TENM3: variants seen among roughly 807,000 people sequenced by gnomAD.
TENM3 encodes the protein teneurin transmembrane protein 3, also known as teneurin-3.
Under a neutral mutation model 255.1 loss-of-function variants are expected in TENM3, and 63 were observed. The ratio of observed to expected loss-of-function variants is 0.25; its 90% confidence interval spans 0.20 to 0.30. The LOEUF (loss-of-function observed/expected upper bound fraction) is 0.30. Ranked by LOEUF, TENM3 falls within the 10% of genes least tolerant of loss-of-function variation. The pLI is 1.00. For missense variants in TENM3, 2,929 were observed against 3,461.1 expected, an observed-to-expected ratio of 0.85 and a Z score of 3.86; for synonymous variants, 1,306 against 1,322.3, an observed-to-expected ratio of 0.99 and a Z score of 0.27.
chr4:182,320,156 C>T (rs1365646088), intron 1 of TENM3, among the ~76,000 whole-genome samples: 2 of 152,042 alleles, frequency 1.3e-5, no homozygotes, highest in Non-Finnish European at 2.9e-5. Context: ...GATGGTTTAA[C>T]TCAGAGGTTT....
At chr4:181,664,055 C>T in the TENM3 span, among the ~76,000 whole-genome samples, 1 of 152,142 alleles carries the variant, frequency 6.6e-6, no homozygotes, top group African/African-American at 2.4e-5. Context: ...AGAGACTGGC[C>T]TCTGGAGCTC....
chr4:182,032,662 G>A, the TENM3 span, among the ~76,000 whole-genome samples: 2 of 152,166 alleles, frequency 1.3e-5, no homozygotes, highest in South Asian at 2.1e-4. Context: ...GTAGAATTCA[G>A]TTGTAAATCT....
intron 1 of TENM3, among the ~76,000 whole-genome samples, chr4:182,271,481 A>C (rs1030296505): frequency 6.6e-6 from 1 of 152,154 alleles, no homozygotes; most frequent in Non-Finnish European, 1.5e-5. Context: ...AGGTGGGTCC[A>C]GTTGTGCATT....
At chr4:181,701,251 C>T in the TENM3 span, among the ~76,000 whole-genome samples, 1 of 152,202 alleles carries the variant, frequency 6.6e-6, no homozygotes, top group Admixed American at 6.5e-5. Flanking sequence ...ATTAATCACA[C>T]CACTTTCCTT....
the TENM3 span, among the ~76,000 whole-genome samples, chr4:182,059,493 A>G: frequency 6.6e-6 from 1 of 152,096 alleles, no homozygotes; most frequent in Non-Finnish European, 1.5e-5. Flanking sequence ...AAAAAAAGGA[A>G]CAAATGTTTT....
Position 182,800,574 on chromosome 4 carries a change from GTCGGAC to G in TENM3, c.*225_*230del. On this transcript the variant is annotated 3_prime_UTR_variant, in exon 28 of 28. Transcript: ENST00000511685. ...TTACATATGCATAGCGCTGCACTCAGTCGGACTGAACGTAGCCAGAGGAAAAAAAAA... is the reference window on the plus strand; with the variant it reads ...TTACATATGCATAGCGCTGCACTCAGTGAACGTAGCCAGAGGAAAAAAAAA... 1 of 492,164 alleles carries G rather than the reference GTCGGAC, an allele frequency of 2.0e-6. No individual in the cohort carries two copies. The highest frequency in any genetic ancestry group is 3.5e-6 in the Non-Finnish European group (1 of 286,156). The allele number at this position is 492,164 out of a possible 1,614,324, so 30.5% of individuals were successfully genotyped here.
the TENM3 span, among the ~76,000 whole-genome samples, chr4:181,885,423 C>G: frequency 6.6e-6 from 1 of 152,088 alleles, no homozygotes; most frequent in Non-Finnish European, 1.5e-5. Flanking sequence ...CCACCACACC[C>G]GGCTAATTTT....
At chr4:181,581,490 A>C in the TENM3 span, among the ~76,000 whole-genome samples, 1 of 152,128 alleles carries the variant, frequency 6.6e-6, no homozygotes, top group Non-Finnish European at 1.5e-5. Context: ...TTGTTCTTCA[A>C]ATATCCCGGT....
chr4:182,301,890 C>T (rs565642586), intron 1 of TENM3, among the ~76,000 whole-genome samples: 5 of 152,156 alleles, frequency 3.3e-5, no homozygotes, highest in African/African-American at 4.8e-5. Context: ...AAACAGCCAG[C>T]GATCCAGTTC....
chr4:182,068,232 G>A, the TENM3 span, among the ~76,000 whole-genome samples: 2 of 152,154 alleles, frequency 1.3e-5, no homozygotes, highest in African/African-American at 4.8e-5. Flanking sequence ...TTTGGAGCCA[G>A]GAGAGTGAGC....
intron 5 of TENM3, among the ~76,000 whole-genome samples, chr4:182,639,315 A>C (rs1237412834): frequency 1.3e-5 from 2 of 152,220 alleles, no homozygotes; most frequent in Non-Finnish European, 2.9e-5. Flanking sequence ...AGGGTAGTTA[A>C]CCTTCGTAAA....
the TENM3 span, among the ~76,000 whole-genome samples, chr4:181,763,019 C>T: frequency 6.6e-6 from 1 of 151,758 alleles, no homozygotes; most frequent in Non-Finnish European, 1.5e-5. Flanking sequence ...CCTTGTGAAA[C>T]AAATATGACA....
intron 25 of TENM3, among the ~76,000 whole-genome samples, chr4:182,791,582 T>C (rs2152828917): frequency 6.6e-6 from 1 of 152,350 alleles, no homozygotes; most frequent in Admixed American, 6.5e-5. Flanking sequence ...TCGGATTTGG[T>C]ATCCACAGAA....
chr4:181,726,067 A>G, the TENM3 span, among the ~76,000 whole-genome samples: 11 of 152,278 alleles, frequency 7.2e-5, no homozygotes, highest in Admixed American at 2.0e-4. Flanking sequence ...GATTTTTTTC[A>G]AAAGATCTAC....
intron 1 of TENM3, among the ~76,000 whole-genome samples, chr4:182,280,008 G>A (rs1213511870): frequency 6.6e-6 from 1 of 152,128 alleles, no homozygotes; most frequent in Non-Finnish European, 1.5e-5. Flanking sequence ...GCACCTCCAT[G>A]GCCAGATAAT....
the TENM3 span, among the ~76,000 whole-genome samples, chr4:181,662,267 C>T: frequency 6.6e-6 from 1 of 152,060 alleles, no homozygotes; most frequent in African/African-American, 2.4e-5. Context: ...GGTGTTTTTC[C>T]AGTATTTGTA....
chr4:182,205,804 A>G (rs958203227), intron 1 of TENM3, among the ~76,000 whole-genome samples: 4 of 152,230 alleles, frequency 2.6e-5, no homozygotes, highest in Non-Finnish European at 5.9e-5. Flanking sequence ...TCAGTGGAGT[A>G]CATGTGGATG....
the TENM3 span, among the ~76,000 whole-genome samples, chr4:181,978,204 A>T: frequency 6.6e-6 from 1 of 152,204 alleles, no homozygotes; most frequent in Non-Finnish European, 1.5e-5. Context: ...GTCCTGTGGC[A>T]TGAGCTACTG....
chr4:181,839,503 TATG>T, the TENM3 span, among the ~76,000 whole-genome samples: 3 of 147,728 alleles, frequency 2.0e-5, no homozygotes, highest in Non-Finnish European at 4.5e-5. Context: ...ATATAATACA[TATG>T]ATATATACTA....
Sources: allele counts gnomAD v4.1 joint callset (sites outside exome capture counted in the v4.1 genomes callset), GRCh38; gene constraint gnomAD v4.1.1; transcripts MANE v1.5; gene names NCBI Gene and HGNC (gene_info 2026-07-23, HGNC 2026-07-21).